GRID2: variants seen among roughly 807,000 people sequenced by gnomAD.
GRID2 encodes glutamate ionotropic receptor delta type subunit 2, also known as glutamate receptor ionotropic, delta-2.
In GRID2, 33 loss-of-function variants were observed where a neutral mutation model predicts 114.8. The observed-to-expected ratio is 0.29, with a 90% CI of 0.22 to 0.38. The LOEUF is 0.38. Ranked by LOEUF, GRID2 falls within the 10% of genes least tolerant of loss-of-function variation. GRID2 has a pLI of 1.00. For missense variants in GRID2, 1,184 were observed against 1,257.7 expected, an observed-to-expected ratio of 0.94 and a Z score of 0.89; for synonymous variants, 505 against 449.9, an observed-to-expected ratio of 1.12 and a Z score of -1.55.
chr4:93,584,053 G>A (rs1478762466), intron 13 of GRID2, among the ~76,000 whole-genome samples: 3 of 152,100 alleles, frequency 2.0e-5, no homozygotes, highest in East Asian at 1.9e-4. Flanking sequence ...GAATTTTAGG[G>A]TTCCGGTCTT....
At position 93,428,974 on chromosome 4, in the gene GRID2, C is replaced by T. The variant is rs1769135238; in HGVS notation, c.1545+6006C>T. ...GGAAAAGCAAAAAGAAAAAGTAAAA[C>T]ACAGATATCAAGTGTTACTGATGTG... On this transcript the variant is annotated intron_variant, in intron 10 of 15. Transcript: ENST00000282020. Among the ~76,000 whole-genome samples the T allele has an allele frequency of 3.3e-5, 5 of 152,204 alleles. No homozygotes were observed. The South Asian group carries it at 8.3e-4, about 25-fold the overall frequency.
intron 13 of GRID2, among the ~76,000 whole-genome samples, chr4:93,614,534 A>G (rs1251764749): frequency 6.6e-6 from 1 of 152,030 alleles, no homozygotes; most frequent in Non-Finnish European, 1.5e-5. Context: ...AAAAACATGA[A>G]ATAGTCATTT....
chr4:92,399,505 G>C (rs554929532), intron 1 of GRID2, among the ~76,000 whole-genome samples: 2 of 152,172 alleles, frequency 1.3e-5, no homozygotes, highest in African/African-American at 2.4e-5. Flanking sequence ...AGATTATACT[G>C]TATTCTTATT....
At chr4:92,956,100 C>T (rs1276711577) in intron 2 of GRID2, among the ~76,000 whole-genome samples, 1 of 152,194 alleles carries the variant, frequency 6.6e-6, no homozygotes, top group Non-Finnish European at 1.5e-5. Context: ...TGTAGGTTCA[C>T]AGCAAAACTG....
At chr4:93,772,009 CTTT>C in intron 15 of GRID2, 64 bp from the exon 16 acceptor site, 10 of 782,498 alleles carry the variant, frequency 1.3e-5, no homozygotes, top group East Asian at 2.7e-5. Context: ...TGCTGAACTA[CTTT>C]TTTTTTTTTA....
rs146933830 is a variant in GRID2 at position 93,323,833 on chromosome 4, A to G, written c.1246-71774A>G. Among the ~76,000 whole-genome samples the G allele has an allele frequency of 7.0e-3, 1,069 of 152,232 alleles. 14 individuals carry two copies. Among genetic ancestry groups the G allele is most frequent in the African/African-American group, 0.024 (980 of 41,520 alleles). The stretch of plus-strand genomic sequence containing the variant: ...AATTGTGAAAGGGAGTTCACTCATG[A>G]TTTGGCTCTCTGTTTGTCTGTTACT... On this transcript the variant is annotated intron_variant, in intron 8 of 15. Coordinates refer to ENST00000282020, the MANE Select transcript of GRID2 (RefSeq NM_001510.4).
intron 1 of GRID2, among the ~76,000 whole-genome samples, chr4:92,585,163 G>A (rs1163025217): frequency 1.3e-5 from 2 of 151,756 alleles, no homozygotes; most frequent in African/African-American, 2.4e-5. Context: ...ATGAATGGCT[G>A]GATGCATGAA....
intron 2 of GRID2, among the ~76,000 whole-genome samples, chr4:92,610,046 G>C (rs1178386418): frequency 6.6e-6 from 1 of 151,512 alleles, no homozygotes; most frequent in East Asian, 1.9e-4. Context: ...GTTTTAGCTG[G>C]GTTTATGGTC....
intron 8 of GRID2, among the ~76,000 whole-genome samples, chr4:93,245,500 TAGTG>T (rs1194587751): frequency 6.6e-6 from 1 of 152,150 alleles, no homozygotes; most frequent in East Asian, 1.9e-4. Flanking sequence ...AATAGGGAAA[TAGTG>T]AGTACTTAAA....
intron 2 of GRID2, among the ~76,000 whole-genome samples, chr4:92,920,420 TTGA>T (rs2149503874): frequency 6.6e-6 from 1 of 152,336 alleles, no homozygotes; most frequent in South Asian, 2.1e-4. Context: ...TGCTCATTAG[TTGA>T]TGCAGTTTCT....
intron 14 of GRID2, among the ~76,000 whole-genome samples, chr4:93,664,922 C>A (rs1412509062): frequency 1.3e-5 from 2 of 152,036 alleles, no homozygotes; most frequent in Non-Finnish European, 2.9e-5. Context: ...GAAACAAAAT[C>A]AAGTATTAAG....
Position 92,881,170 on chromosome 4 carries a change from G to A in GRID2, c.245-203825G>A, listed in dbSNP as rs140726165. Among the ~76,000 whole-genome samples the A allele has an allele frequency of 2.0e-3, 308 of 152,186 alleles. 2 individuals are homozygous for A. The highest frequency in any genetic ancestry group is 5.9e-3 in the African/African-American group (245 of 41,540). The stretch of plus-strand genomic sequence containing the variant: ...CGCCCACATCGGCCTCCCACAGTGC[G>A]GGGATTACAGGCGTGAGCCACCCAG... On this transcript the variant is annotated intron_variant, in intron 2 of 15. Coordinates refer to ENST00000282020, the MANE Select transcript of GRID2 (RefSeq NM_001510.4).
chr4:92,377,586 C>T lies in GRID2; in HGVS notation c.88+72842C>T, dbSNP rs569420161. ...ATCCCACTCTACTCATAGCAATTTACTGTTATTAGTCTGTTTTCACGCTGC... is the reference window on the plus strand; with the variant it reads ...ATCCCACTCTACTCATAGCAATTTATTGTTATTAGTCTGTTTTCACGCTGC... On this transcript the variant is annotated intron_variant, in intron 1 of 15. Coordinates refer to ENST00000282020, the MANE Select transcript of GRID2 (RefSeq NM_001510.4). 2.6e-5 allele frequency among the ~76,000 whole-genome samples: 4 copies of T among 152,240 alleles called. No individual in the cohort carries two copies. The East Asian group carries it at 7.7e-4, about 29-fold the overall frequency.
intron 2 of GRID2, among the ~76,000 whole-genome samples, chr4:92,631,814 A>G (rs1375362387): frequency 1.3e-5 from 2 of 152,202 alleles, no homozygotes; most frequent in Admixed American, 1.3e-4. Flanking sequence ...ACATTGATAT[A>G]GGATATTTCA....
intron 1 of GRID2, among the ~76,000 whole-genome samples, chr4:92,552,666 T>G (rs545776473): frequency 2.0e-5 from 3 of 152,246 alleles, no homozygotes; most frequent in African/African-American, 7.2e-5. Flanking sequence ...CTTAAGAATC[T>G]AAAGGAAAAG....
intron 14 of GRID2, among the ~76,000 whole-genome samples, chr4:93,703,755 T>C (rs547435996): frequency 6.6e-6 from 1 of 151,382 alleles, no homozygotes; most frequent in East Asian, 2.0e-4. Context: ...GTTTGGTTTT[T>C]TGTCCTTGAG....
intron 2 of GRID2, among the ~76,000 whole-genome samples, chr4:92,638,879 T>C (rs773885660): frequency 2.6e-4 from 39 of 151,218 alleles, no homozygotes; most frequent in South Asian, 4.2e-4. Context: ...TTTTGTTCTA[T>C]TTGTTCAGTT....
chr4:93,375,240 A>C (rs1403006990), intron 8 of GRID2, among the ~76,000 whole-genome samples: 3 of 145,074 alleles, frequency 2.1e-5, no homozygotes, highest in African/African-American at 7.9e-5. Context: ...TTGAGACAGA[A>C]TCTCACTCTA....
At chr4:92,865,479 G>A (rs537254712) in intron 2 of GRID2, among the ~76,000 whole-genome samples, 284 of 152,308 alleles carry the variant, frequency 1.9e-3, no homozygotes, top group Admixed American at 6.2e-3. Context: ...GTATTCTTCT[G>A]CCAGTTGTCA....
Sources: gnomAD v4.1 joint callset for allele counts (sites outside exome capture counted in the v4.1 genomes callset) on GRCh38, gnomAD v4.1.1 for gene constraint, MANE v1.5 for transcripts, NCBI Gene and HGNC (gene_info 2026-07-23, HGNC 2026-07-21) for gene names.